The following PRKN variants were observed in gnomAD, a reference collection of about 807,000 sequenced individuals.
PRKN encodes parkin RBR E3 ubiquitin protein ligase.
In PRKN, 56 loss-of-function variants were observed where a neutral mutation model predicts 59.5. The observed-to-expected ratio is 0.94, with a 90% CI of 0.76 to 1.18. The LOEUF is 1.18. Among genes scored for constraint, PRKN ranks in the 50% most tolerant of loss-of-function variants. PRKN has a pLI of 0.00. For synonymous variants in PRKN, 250 were observed against 222.1 expected (o/e 1.13, Z -1.12); for missense variants, 657 against 596.4 (o/e 1.10, Z -1.06).
rs944021241 is a variant in PRKN, at chr6:162,073,052, G to C, written c.535-18878C>G. ...TCACTATCTTATCTGTAAAGTGTGGGTACAGGCCAAAAGAGCTCAGGGTCA... is the reference window on the plus strand; with the variant it reads ...TCACTATCTTATCTGTAAAGTGTGGCTACAGGCCAAAAGAGCTCAGGGTCA... On this transcript the variant is annotated intron_variant, in intron 4 of 11. Coordinates refer to ENST00000366898, the MANE Select transcript of PRKN (RefSeq NM_004562.3). Among the ~76,000 whole-genome samples the C allele has an allele frequency of 5.3e-5, 8 of 152,222 alleles. No individual in the cohort carries two copies. The East Asian group carries it at 1.4e-3, about 26-fold the overall frequency.
At chr6:162,571,539 A>C in intron 1 of PRKN, among the ~76,000 whole-genome samples, 1 of 152,186 alleles carries the variant, frequency 6.6e-6, no homozygotes, top group Non-Finnish European at 1.5e-5. Flanking sequence ...GAATGTAGGC[A>C]CTCAGTGAGA....
At chr6:161,746,310 T>G (rs540011778) in intron 7 of PRKN, among the ~76,000 whole-genome samples, 1 of 151,882 alleles carries the variant, frequency 6.6e-6, no homozygotes, top group Non-Finnish European at 1.5e-5. Flanking sequence ...TGAGTAAGAC[T>G]TCCCAGAGAC....
At position 161,473,632 on chromosome 6, in the gene PRKN, T is replaced by C. The variant is rs1562472248; in HGVS notation, c.1083+75222A>G. On this transcript the variant is annotated intron_variant, in intron 9 of 11. Transcript: ENST00000366898. The surrounding 1 kb of genome is among the most constrained non-coding windows in gnomAD (Gnocchi z 4.1). ...GGGTCAAAGCATACAAAGTTACAGG[T>C]AGGACAAATATTCTAGAAATGTACT... Among the ~76,000 whole-genome samples the C allele has an allele frequency of 2.6e-5, 4 of 151,674 alleles. No homozygotes were observed.
intron 4 of PRKN, among the ~76,000 whole-genome samples, chr6:162,071,536 T>A (rs1453794630): frequency 1.3e-5 from 2 of 152,008 alleles, no homozygotes; most frequent in East Asian, 3.9e-4. Context: ...CATCAGGTCA[T>A]GGGCATGGGC....
At chr6:162,293,294 G>A (rs1781523440) in intron 2 of PRKN, among the ~76,000 whole-genome samples, 1 of 152,218 alleles carries the variant, frequency 6.6e-6, no homozygotes, top group African/African-American at 2.4e-5. Flanking sequence ...AAGAGGGAAA[G>A]AACCCGAATG....
At chr6:162,422,459 G>C (rs1789019041) in intron 2 of PRKN, among the ~76,000 whole-genome samples, 1 of 152,116 alleles carries the variant, frequency 6.6e-6, no homozygotes. Flanking sequence ...GCCTTACTTG[G>C]GTCTTGCATG....
chr6:162,109,832 G>T (rs917069963), intron 4 of PRKN, among the ~76,000 whole-genome samples: 1 of 152,036 alleles, frequency 6.6e-6, no homozygotes, highest in Non-Finnish European at 1.5e-5. Context: ...CTGTTTCCTG[G>T]TACTGTTGCT....
Position 162,605,827 on chromosome 6 carries a change from T to G in PRKN, c.7+121835A>C, listed in dbSNP as rs1300935239. ...TCTAGTGTACAAATTTTAAGTTCCT[T>G]AAGCCAGAAATAAAAGTAGACAAAA... On this transcript the variant is annotated intron_variant, in intron 1 of 11. Coordinates refer to ENST00000366898, the MANE Select transcript of PRKN (RefSeq NM_004562.3). 2.6e-5 allele frequency among the ~76,000 whole-genome samples: 4 copies of G among 152,158 alleles called. No individual in the cohort carries two copies. In the East Asian group the frequency reaches 5.8e-4, roughly 22 times the overall value.
intron 2 of PRKN, among the ~76,000 whole-genome samples, chr6:162,389,095 C>G (rs143599868): frequency 1.3e-5 from 2 of 151,658 alleles, no homozygotes; most frequent in African/African-American, 4.8e-5. Flanking sequence ...TAGCCCTTCC[C>G]GATCACTTCT....
rs1227500176 is a variant in PRKN, at chr6:161,561,110, CTTCCCCTCA to C, written c.933+8236_933+8244del. Among the ~76,000 whole-genome samples, 4 of 152,134 alleles carry C rather than the reference CTTCCCCTCA, an allele frequency of 2.6e-5. No homozygotes were observed. The highest frequency in any genetic ancestry group is 5.9e-5 in the Non-Finnish European group (4 of 68,030). The stretch of plus-strand genomic sequence containing the variant: ...TCCAGTGACATGTTCTCTCTTCTTT[CTTCCCCTCA>C]ACCCGCCGAAAAAAGGGGTGAAATA... On this transcript the variant is annotated intron_variant, in intron 8 of 11. Coordinates refer to ENST00000366898, the MANE Select transcript of PRKN (RefSeq NM_004562.3). The surrounding 1 kb of genome is among the most constrained non-coding windows in gnomAD (Gnocchi z 5.0).
In PRKN at chr6:161,817,925, C is replaced by G. The variant is rs574234726; in HGVS notation, c.735-32017G>C. Among the ~76,000 whole-genome samples the G allele has an allele frequency of 2.6e-5, 4 of 152,150 alleles. No homozygotes were observed. In the East Asian group the frequency reaches 7.7e-4, roughly 29 times the overall value. On this transcript the variant is annotated intron_variant, in intron 6 of 11. Coordinates refer to ENST00000366898, the MANE Select transcript of PRKN (RefSeq NM_004562.3). ...CCCACCGTTGCTCCAAGGAGACCCC[C>G]GAAGAGCCTGAAGATGTGAAGCTCT...
chr6:162,353,398 C>G (rs564570197), intron 2 of PRKN, among the ~76,000 whole-genome samples: 94 of 151,922 alleles, frequency 6.2e-4, no homozygotes, highest in African/African-American at 2.2e-3. Context: ...ATTTCAGCAG[C>G]TATTCTTTCA....
intron 5 of PRKN, among the ~76,000 whole-genome samples, chr6:161,977,717 T>C (rs532053103): frequency 4.8e-4 from 72 of 150,586 alleles, no homozygotes; most frequent in African/African-American, 1.6e-3. Context: ...CCGGCTACTT[T>C]TTTGTATTTT....
In PRKN at chr6:162,462,115, C is replaced by T. The variant is rs185659899; in HGVS notation, c.8-18642G>A. 1.5e-3 allele frequency among the ~76,000 whole-genome samples: 231 copies of T among 152,258 alleles called. 1 individual carries two copies. The highest frequency in any genetic ancestry group is 2.7e-3 in the Non-Finnish European group (185 of 68,016). On this transcript the variant is annotated intron_variant, in intron 1 of 11. Coordinates refer to ENST00000366898, the MANE Select transcript of PRKN (RefSeq NM_004562.3). The stretch of plus-strand genomic sequence containing the variant: ...TTATATAACTGTGAGAACTCTGGAG[C>T]TGTCCCATGAAACTTTTAACGAGCT...
intron 7 of PRKN, among the ~76,000 whole-genome samples, chr6:161,642,830 T>C (rs896670910): frequency 6.6e-6 from 1 of 152,212 alleles, no homozygotes; most frequent in East Asian, 1.9e-4. Context: ...AGAAAATTGA[T>C]GCATGTTTTA....
At chr6:161,802,199 CT>C (rs778454310) in intron 6 of PRKN, among the ~76,000 whole-genome samples, 6 of 152,092 alleles carry the variant, frequency 3.9e-5, no homozygotes, top group Non-Finnish European at 8.8e-5. Flanking sequence ...GTTATAGCCT[CT>C]CACTCCTCTG....
chr6:162,659,379 T>C (rs1477419994), intron 1 of PRKN, among the ~76,000 whole-genome samples: 1 of 152,112 alleles, frequency 6.6e-6, no homozygotes, highest in Non-Finnish European at 1.5e-5. Context: ...GCTATTTCCA[T>C]TCCTACACAG....
At chr6:162,469,747 G>T (rs921476818) in intron 1 of PRKN, among the ~76,000 whole-genome samples, 6 of 152,074 alleles carry the variant, frequency 3.9e-5, no homozygotes, top group Non-Finnish European at 8.8e-5. Context: ...TGGGAAGGGG[G>T]TGAGGGATAA....
rs1017732934 is a variant in PRKN, at chr6:161,461,664, A to G, written c.1084-74787T>C. ...GAGGATTCTAAGTGCCACTCATTGC[A>G]AGGACCGAGGTAAGAAGAGACAGGA... On this transcript the variant is annotated intron_variant, in intron 9 of 11. Coordinates refer to ENST00000366898, the MANE Select transcript of PRKN (RefSeq NM_004562.3). The surrounding 1 kb of genome is among the most constrained non-coding windows in gnomAD (Gnocchi z 5.1). Among the ~76,000 whole-genome samples, 38 of 152,190 alleles carry G rather than the reference A, an allele frequency of 2.5e-4. No homozygotes were observed. Among genetic ancestry groups the G allele is most frequent in the African/African-American group, 8.7e-4 (36 of 41,450 alleles).
Sources: gnomAD v4.1 joint callset for allele counts (sites outside exome capture counted in the v4.1 genomes callset) on GRCh38, gnomAD v4.1.1 for gene constraint, Gnocchi (gnomAD v3.1) non-coding constraint, MANE v1.5 for transcripts, NCBI Gene and HGNC (gene_info 2026-07-23, HGNC 2026-07-21) for gene names.